DPP10: variants seen among roughly 807,000 people sequenced by gnomAD.
The protein encoded by DPP10 is inactive dipeptidyl peptidase 10.
DPP10 carries 33 observed loss-of-function variants against 120.9 expected under a neutral mutation model. The ratio of observed to expected loss-of-function variants is 0.27; its 90% CI spans 0.21 to 0.37. DPP10 has a LOEUF of 0.37. DPP10 is among the 10% of genes least tolerant of loss of function. The probability of loss-of-function intolerance (pLI) is 1.00; values close to 1 mark genes in which losing one functional copy is unlikely to be tolerated. For synonymous variants in DPP10, 337 were observed against 326.1 expected, an observed-to-expected ratio of 1.03 and a Z score of -0.36; for missense variants, 816 against 942.8, an observed-to-expected ratio of 0.87 and a Z score of 1.76.
intron 10 of DPP10, among the ~76,000 whole-genome samples, chr2:115,747,840 G>T (rs573411901): frequency 6.6e-6 from 1 of 152,014 alleles, no homozygotes; most frequent in Non-Finnish European, 1.5e-5. Flanking sequence ...TGATCCGCCC[G>T]CCTTGGCCTC....
At chr2:115,704,207 C>G (rs984278138) in intron 7 of DPP10, among the ~76,000 whole-genome samples, 1 of 151,740 alleles carries the variant, frequency 6.6e-6, no homozygotes, top group Non-Finnish European at 1.5e-5. Flanking sequence ...TCCTCTGTGT[C>G]TCTGAGTCAT....
chr2:114,706,608 A>G (rs1218911743), intron 1 of DPP10, among the ~76,000 whole-genome samples: 1 of 152,202 alleles, frequency 6.6e-6, no homozygotes, highest in Non-Finnish European at 1.5e-5. Flanking sequence ...CTGGATTTAA[A>G]GCCCATTCTA....
chr2:115,547,359 A>G (rs759482260), intron 5 of DPP10, among the ~76,000 whole-genome samples: 3 of 152,200 alleles, frequency 2.0e-5, no homozygotes, highest in Non-Finnish European at 4.4e-5. Context: ...TTTGTAAATG[A>G]GAGTATTTAA....
At chr2:114,481,936 A>G (rs1681085871) in intron 1 of DPP10, among the ~76,000 whole-genome samples, 1 of 146,024 alleles carries the variant, frequency 6.8e-6, no homozygotes, top group South Asian at 2.1e-4. Context: ...AGAGAAAGAG[A>G]AGAAGGAGAA....
chr2:115,128,546 T>C (rs566901657), intron 1 of DPP10, among the ~76,000 whole-genome samples: 2 of 152,160 alleles, frequency 1.3e-5, no homozygotes, highest in Non-Finnish European at 2.9e-5. Flanking sequence ...TAAAAAATAA[T>C]GCAAAAATGT....
chr2:114,856,478 A>C (rs1384194695), intron 1 of DPP10, among the ~76,000 whole-genome samples: 1 of 152,214 alleles, frequency 6.6e-6, no homozygotes, highest in Admixed American at 6.5e-5. Flanking sequence ...TTTTGAGGAC[A>C]ATACTAAAAA....
intron 1 of DPP10, among the ~76,000 whole-genome samples, chr2:114,605,820 C>CA (rs1287506397): frequency 6.6e-6 from 1 of 152,092 alleles, no homozygotes; most frequent in Non-Finnish European, 1.5e-5. Flanking sequence ...GAACAGACTT[C>CA]AAAGTAAGGA....
intron 1 of DPP10, among the ~76,000 whole-genome samples, chr2:114,634,339 C>G (rs964817577): frequency 6.6e-6 from 1 of 151,682 alleles, no homozygotes; most frequent in East Asian, 1.9e-4. Flanking sequence ...CCTTTCTACC[C>G]AAGTCCCTAT....
At chr2:115,484,632 T>G (rs1302813706) in intron 3 of DPP10, among the ~76,000 whole-genome samples, 1 of 152,116 alleles carries the variant, frequency 6.6e-6, no homozygotes. Context: ...TTTTTGATCA[T>G]GAAGAGAAAG....
At chr2:114,598,603 G>A (rs572282739) in intron 1 of DPP10, among the ~76,000 whole-genome samples, 3 of 151,828 alleles carry the variant, frequency 2.0e-5, no homozygotes, top group Non-Finnish European at 4.4e-5. Flanking sequence ...GGAAATACTT[G>A]GCAGTGGCAA....
chr2:115,308,693 G>GTTTTTTTTTTTTTTTTTTTTTTTT (rs3068805), intron 1 of DPP10, among the ~76,000 whole-genome samples: 1 of 126,642 alleles, frequency 7.9e-6, no homozygotes, highest in Non-Finnish European at 1.7e-5. Flanking sequence ...ACTAAATCCT[G>GTTTTTTTTTTTTTTTTTTTTTTTT]TTTTTTTTTT....
chr2:114,684,205 C>A (rs1559000687), intron 1 of DPP10, among the ~76,000 whole-genome samples: 1 of 152,004 alleles, frequency 6.6e-6, no homozygotes, highest in East Asian at 2.0e-4. Context: ...CCTGTGGGAA[C>A]TGAAATACAA....
chr2:114,939,333 A>G (rs1441158741), intron 1 of DPP10, among the ~76,000 whole-genome samples: 1 of 151,908 alleles, frequency 6.6e-6, no homozygotes, highest in African/African-American at 2.4e-5. Flanking sequence ...CCTCAGTGCT[A>G]TTTACAAAAT....
chr2:115,225,770 T>C (rs1176492779), intron 1 of DPP10, among the ~76,000 whole-genome samples: 1 of 152,106 alleles, frequency 6.6e-6, no homozygotes. Context: ...TTAATCAGCA[T>C]ATATTGATTT....
At chr2:115,092,489 T>TG (rs1238413944) in intron 1 of DPP10, among the ~76,000 whole-genome samples, 14 of 152,212 alleles carry the variant, frequency 9.2e-5, no homozygotes, top group Admixed American at 1.3e-4. Context: ...GTTAGACATC[T>TG]ATCACCTTTC....
chr2:115,583,095 T>G (rs1347396069), intron 5 of DPP10, among the ~76,000 whole-genome samples: 1 of 152,242 alleles, frequency 6.6e-6, no homozygotes, highest in Non-Finnish European at 1.5e-5. Flanking sequence ...GAGAAAATAG[T>G]GCACTGAATA....
chr2:115,083,276 T>A (rs530229492), intron 1 of DPP10, among the ~76,000 whole-genome samples: 103 of 152,310 alleles, frequency 6.8e-4, no homozygotes, highest in African/African-American at 2.4e-3. Flanking sequence ...TATAAAGATA[T>A]AAATTATGTC....
At chr2:115,807,857 A>G (rs1686190713) in intron 19 of DPP10, among the ~76,000 whole-genome samples, 1 of 152,286 alleles carries the variant, frequency 6.6e-6, no homozygotes, top group African/African-American at 2.4e-5. Flanking sequence ...AAAACACGAA[A>G]AATTCTGATT....
At chr2:115,110,237 C>A (rs190150864) in intron 1 of DPP10, among the ~76,000 whole-genome samples, 1 of 152,256 alleles carries the variant, frequency 6.6e-6, no homozygotes, top group Admixed American at 6.5e-5. Context: ...TCTAAAAATT[C>A]TGGGTTTGGA....
Sources: allele counts gnomAD v4.1 joint callset (sites outside exome capture counted in the v4.1 genomes callset), GRCh38; gene constraint gnomAD v4.1.1; transcripts MANE v1.5; gene names NCBI Gene and HGNC (gene_info 2026-07-23, HGNC 2026-07-21).